The following PARD3 variants were observed in gnomAD, a reference collection of about 807,000 sequenced individuals.
The protein encoded by PARD3 is partitioning defective 3 homolog.
In PARD3, 75 loss-of-function variants were observed where a neutral mutation model predicts 155.4. That is an observed-to-expected ratio of 0.48 (90% confidence interval 0.40 to 0.58). PARD3 has a LOEUF of 0.58. PARD3 is among the 20% of genes least tolerant of loss of function. PARD3 has a pLI of 0.00. For synonymous variants in PARD3, 576 were observed against 610.5 expected, an observed-to-expected ratio of 0.94 and a Z score of 0.83; for missense variants, 1,642 against 1,721.7, an observed-to-expected ratio of 0.95 and a Z score of 0.82.
At chr10:34,761,242 C>T (rs1341503374) in intron 1 of PARD3, among the ~76,000 whole-genome samples, 9 of 152,072 alleles carry the variant, frequency 5.9e-5, no homozygotes, top group Admixed American at 5.9e-4. Flanking sequence ...GAACTTCCAT[C>T]TCTACTAAAA....
At chr10:34,647,138 G>A (rs1222195485) in intron 2 of PARD3, among the ~76,000 whole-genome samples, 5 of 152,208 alleles carry the variant, frequency 3.3e-5, no homozygotes, top group Non-Finnish European at 7.3e-5. Context: ...CAGGATGTCT[G>A]TAGTTAACCA....
chr10:34,276,519 C>A (rs1955888164), intron 21 of PARD3, among the ~76,000 whole-genome samples: 1 of 152,136 alleles, frequency 6.6e-6, no homozygotes, highest in Non-Finnish European at 1.5e-5. Flanking sequence ...GTTTTTGTAA[C>A]ATTTCTATTC....
chr10:34,449,260 A>G (rs570137756), intron 5 of PARD3, among the ~76,000 whole-genome samples: 2 of 152,152 alleles, frequency 1.3e-5, no homozygotes, highest in South Asian at 2.1e-4. Context: ...TAATATATAC[A>G]TATATAAAAA....
At chr10:34,687,844 A>ATTTTTTTTT (rs1564509050) in intron 2 of PARD3, among the ~76,000 whole-genome samples, 4 of 57,360 alleles carry the variant, frequency 7.0e-5, no homozygotes, top group African/African-American at 1.1e-4. Flanking sequence ...TACACCTGAA[A>ATTTTTTTTT]TCTTTTTTTT....
intron 2 of PARD3, among the ~76,000 whole-genome samples, chr10:34,581,022 A>G (rs1333399525): frequency 6.6e-6 from 1 of 152,152 alleles, no homozygotes; most frequent in Non-Finnish European, 1.5e-5. Context: ...CTTTCCCCCA[A>G]CGAAATACAG....
At chr10:34,138,144 C>T (rs1218965925) in intron 22 of PARD3, among the ~76,000 whole-genome samples, 17 of 152,178 alleles carry the variant, frequency 1.1e-4, no homozygotes, top group Admixed American at 7.9e-4. Context: ...TCACATTTTA[C>T]GAGCGAGTTT....
At chr10:34,579,521 C>A (rs143958284) in intron 2 of PARD3, among the ~76,000 whole-genome samples, 1 of 148,096 alleles carries the variant, frequency 6.8e-6, no homozygotes, top group African/African-American at 2.5e-5. Flanking sequence ...TGTCAGACAA[C>A]GTGAACTAAA....
chr10:34,570,232 C>T (rs1277653556), intron 2 of PARD3, among the ~76,000 whole-genome samples: 1 of 152,202 alleles, frequency 6.6e-6, no homozygotes, highest in Non-Finnish European at 1.5e-5. Context: ...GGTTTTCCAA[C>T]TGTGCTTGGC....
At chr10:34,680,836 G>T (rs2093800978) in intron 2 of PARD3, among the ~76,000 whole-genome samples, 1 of 121,980 alleles carries the variant, frequency 8.2e-6, no homozygotes, top group African/African-American at 3.1e-5. Flanking sequence ...GACTGTGGTG[G>T]GGTGGGGGGA....
At chr10:34,507,766 C>T (rs775118485) in intron 3 of PARD3, among the ~76,000 whole-genome samples, 2 of 152,054 alleles carry the variant, frequency 1.3e-5, no homozygotes, top group Non-Finnish European at 2.9e-5. Context: ...GATATATGAC[C>T]TTGTCAACAT....
intron 1 of PARD3, among the ~76,000 whole-genome samples, chr10:34,724,885 A>C (rs1395557379): frequency 6.6e-6 from 1 of 152,168 alleles, no homozygotes; most frequent in Non-Finnish European, 1.5e-5. Context: ...GAAATGCTAG[A>C]GCTTCTAAAA....
At chr10:34,145,209 ATATATATATATATTTTTTTT>A (rs1416107023) in intron 22 of PARD3, among the ~76,000 whole-genome samples, 5 of 63,744 alleles carry the variant, frequency 7.8e-5, no homozygotes, top group Non-Finnish European at 1.5e-4. Context: ...ATATATATAT[ATATATATATATATTTTTTTT>A]TTTTTTTTTT....
rs61517279 is a variant in PARD3, at chr10:34,411,919, CGTGTGTGTGTGTGT to C, written c.715-10016_715-10003del. 8.3e-3 allele frequency among the ~76,000 whole-genome samples: 1,173 copies of C among 141,162 alleles called. 17 individuals carry two copies. Among genetic ancestry groups the C allele is most frequent in the Admixed American group, 0.038 (532 of 13,952 alleles). 92.6% of individuals were successfully genotyped at this position (141,162 alleles called of 152,430 possible). On this transcript the variant is annotated intron_variant, in intron 5 of 24. Transcript: ENST00000374788. Reference sequence around the variant, plus strand: ...TTTAACAAAATCTTTATAAGCTAGTCGTGTGTGTGTGTGTGTGTGTGTGTGTGTGTGTGTGTGTG... The same window carrying C: ...TTTAACAAAATCTTTATAAGCTAGTCGTGTGTGTGTGTGTGTGTGTGTGTG...
At chr10:34,643,373 G>A (rs1208443230) in intron 2 of PARD3, among the ~76,000 whole-genome samples, 1 of 152,238 alleles carries the variant, frequency 6.6e-6, no homozygotes, top group Non-Finnish European at 1.5e-5. Flanking sequence ...TCCAGCCATA[G>A]CACATGAACA....
intron 22 of PARD3, among the ~76,000 whole-genome samples, chr10:34,202,255 T>C (rs1261667699): frequency 6.6e-6 from 1 of 152,154 alleles, no homozygotes; most frequent in Non-Finnish European, 1.5e-5. Flanking sequence ...AAATCTTTTA[T>C]AAAGATGGGA....
At chr10:34,492,151 T>C (rs964002131) in intron 3 of PARD3, among the ~76,000 whole-genome samples, 2 of 152,220 alleles carry the variant, frequency 1.3e-5, no homozygotes, top group Non-Finnish European at 2.9e-5. Context: ...AAAATGTATC[T>C]ACATTAGTAC....
chr10:34,297,313 AG>A (rs1000832143), intron 20 of PARD3, among the ~76,000 whole-genome samples: 1 of 152,186 alleles, frequency 6.6e-6, no homozygotes, highest in Non-Finnish European at 1.5e-5. Flanking sequence ...TAAAAAAATA[AG>A]TAAGTAAATA....
At chr10:34,378,854 G>A (rs1416539179) in intron 9 of PARD3, among the ~76,000 whole-genome samples, 2 of 152,104 alleles carry the variant, frequency 1.3e-5, no homozygotes, top group Non-Finnish European at 2.9e-5. Context: ...ATGATTCACA[G>A]AATTTAAATT....
Position 34,265,892 on chromosome 10 carries a change from T to A in PARD3, c.3419+3765A>T, listed in dbSNP as rs3740239. On this transcript the variant is annotated intron_variant, in intron 22 of 24. Coordinates refer to ENST00000374788, the MANE Select transcript of PARD3 (RefSeq NM_001184785.2). ...GCTGAACAGGAACATACAAAAGAAC[T>A]GCAGAAATTCAACAGAGAAAAGGGA... Among the ~76,000 whole-genome samples the A allele has an allele frequency of 6.8e-4, 103 of 152,200 alleles. 2 individuals carry two copies. The East Asian group carries it at 0.019, about 27-fold the overall frequency.
Sources: allele counts gnomAD v4.1 joint callset (sites outside exome capture counted in the v4.1 genomes callset), GRCh38; gene constraint gnomAD v4.1.1; transcripts MANE v1.5; gene names NCBI Gene and HGNC (gene_info 2026-07-23, HGNC 2026-07-21).